VTI1A: variants seen among roughly 807,000 people sequenced by gnomAD.
VTI1A encodes the protein vesicle transport through interaction with t-SNAREs homolog 1A.
In VTI1A, 22 loss-of-function variants were observed where a neutral mutation model predicts 34.9. The observed-to-expected ratio is 0.63, with a 90% CI of 0.45 to 0.90. VTI1A has a LOEUF of 0.90. Ranked by LOEUF, VTI1A falls within the 40% of genes least tolerant of loss-of-function variation. VTI1A has a pLI of 0.00. For synonymous variants in VTI1A, 87 were observed against 97.3 expected (o/e 0.89, Z 0.62); for missense variants, 268 against 275.6 (o/e 0.97, Z 0.20).
intron 4 of VTI1A, among the ~76,000 whole-genome samples, chr10:112,532,471 A>G (rs945517241): frequency 2.0e-5 from 3 of 152,108 alleles, no homozygotes; most frequent in African/African-American, 7.2e-5. Context: ...CATTGCAGAA[A>G]CTGTGGTCGT....
chr10:112,833,637 A>G, the VTI1A span, among the ~76,000 whole-genome samples: 1 of 151,602 alleles, frequency 6.6e-6, no homozygotes, highest in Non-Finnish European at 1.5e-5. Flanking sequence ...CAGCTATCCC[A>G]CTCTTTGAGC....
At chr10:112,494,912 T>G (rs1848958588) in intron 3 of VTI1A, among the ~76,000 whole-genome samples, 1 of 152,204 alleles carries the variant, frequency 6.6e-6, no homozygotes, top group African/African-American at 2.4e-5. Flanking sequence ...ATTTTCTATA[T>G]TATTACCCAG....
intron 3 of VTI1A, among the ~76,000 whole-genome samples, chr10:112,504,955 G>A (rs141107073): frequency 4.1e-4 from 62 of 151,366 alleles, no homozygotes; most frequent in African/African-American, 1.5e-3. Context: ...GGGGTGTGTG[G>A]GGATTCGTTG....
At chr10:112,814,495 C>T (rs1853437780) in intron 7 of VTI1A, among the ~76,000 whole-genome samples, 1 of 152,144 alleles carries the variant, frequency 6.6e-6, no homozygotes, top group Non-Finnish European at 1.5e-5. Context: ...TATGAAACAA[C>T]CTCATCAGAA....
the VTI1A span, among the ~76,000 whole-genome samples, chr10:112,830,669 G>A: frequency 3.0e-4 from 45 of 150,328 alleles, no homozygotes; most frequent in East Asian, 7.1e-3. Flanking sequence ...CAGGGACCAG[G>A]AGAAATCACT....
At chr10:112,520,189 C>T (rs990160044) in intron 3 of VTI1A, among the ~76,000 whole-genome samples, 10 of 152,048 alleles carry the variant, frequency 6.6e-5, no homozygotes, top group African/African-American at 1.9e-4. Context: ...ATTTCCTCCA[C>T]TGCATACTTA....
chr10:112,621,519 C>A (rs549661275), intron 5 of VTI1A, among the ~76,000 whole-genome samples: 2 of 152,240 alleles, frequency 1.3e-5, no homozygotes, highest in South Asian at 4.1e-4. Context: ...CAAATGAGAA[C>A]TTAAGGTTAA....
intron 7 of VTI1A, among the ~76,000 whole-genome samples, chr10:112,775,759 T>C (rs1851939772): frequency 6.6e-6 from 1 of 152,100 alleles, no homozygotes; most frequent in African/African-American, 2.4e-5. Context: ...TAATTGAAAA[T>C]GTAATAAAGA....
chr10:112,545,168 AT>A, intron 5 of VTI1A, among the ~76,000 whole-genome samples: 1 of 152,368 alleles, frequency 6.6e-6, no homozygotes, highest in Middle Eastern at 3.4e-3. Context: ...CTTAAAAGGC[AT>A]TTTGGAACAA....
At position 112,659,481 on chromosome 10, in the gene VTI1A, T is replaced by G. The variant is rs117448865; in HGVS notation, c.428-8737T>G. ...CATCGTTACTGGTAGCACAGCTTCATTGACTGATGTCTGAGGGCTCTGGGA... is the reference window on the plus strand; with the variant it reads ...CATCGTTACTGGTAGCACAGCTTCAGTGACTGATGTCTGAGGGCTCTGGGA... On this transcript the variant is annotated intron_variant, in intron 5 of 7. Transcript: ENST00000393077. Among the ~76,000 whole-genome samples, 3 of 152,344 alleles carry G rather than the reference T, an allele frequency of 2.0e-5. No homozygotes were observed. The East Asian group carries it at 5.8e-4, about 29-fold the overall frequency.
chr10:112,540,273 T>C (rs1850816210), intron 5 of VTI1A, among the ~76,000 whole-genome samples: 1 of 152,218 alleles, frequency 6.6e-6, no homozygotes, highest in Non-Finnish European at 1.5e-5. Flanking sequence ...TGCTAAAACA[T>C]AACATCCACA....
chr10:112,715,791 C>A (rs1849588578), intron 7 of VTI1A, among the ~76,000 whole-genome samples: 2 of 152,196 alleles, frequency 1.3e-5, no homozygotes, highest in African/African-American at 4.8e-5. Context: ...AGGCCTTCAG[C>A]AGGTTATCCT....
In VTI1A at chr10:112,737,197, A is replaced by G. The variant is rs1018057279; in HGVS notation, c.560+68199A>G. The G allele has an allele frequency of 1.0e-5, 5 of 496,730 alleles. No individual in the cohort carries two copies. The East Asian group carries it at 2.7e-4, about 27-fold the overall frequency. 30.8% of individuals were successfully genotyped at this position (496,730 alleles called of 1,614,324 possible). A position where few individuals can be genotyped will look rare whatever the true frequency, so the allele number is the denominator to read the frequency against. ...GCGATTCTCTTGCCTCAGCCTCCCA[A>G]GTAGCTGGGACTACAGGCACACACC... On this transcript the variant is annotated intron_variant, in intron 7 of 7. Transcript: ENST00000393077.
chr10:112,761,814 A>G (rs1405635414), intron 7 of VTI1A, among the ~76,000 whole-genome samples: 2 of 148,130 alleles, frequency 1.4e-5, no homozygotes, highest in Non-Finnish European at 3.0e-5. Flanking sequence ...ATATGAATAT[A>G]TTAATATATG....
At chr10:112,779,273 T>C (rs1852043456) in intron 7 of VTI1A, among the ~76,000 whole-genome samples, 1 of 152,204 alleles carries the variant, frequency 6.6e-6, no homozygotes, top group African/African-American at 2.4e-5. Flanking sequence ...CAGCTGAAAA[T>C]AATAGCTTCA....
intron 5 of VTI1A, among the ~76,000 whole-genome samples, chr10:112,588,733 G>A (rs1844257673): frequency 6.6e-6 from 1 of 152,166 alleles, no homozygotes; most frequent in Non-Finnish European, 1.5e-5. Flanking sequence ...CCTCACATAG[G>A]CCATCATTGT....
At chr10:112,668,416 T>C in intron 6 of VTI1A, 128 bp downstream of exon 6, 1 of 1,007,642 alleles carries the variant, frequency 9.9e-7, no homozygotes, top group Non-Finnish European at 1.4e-6. Flanking sequence ...ATAAGGTCTG[T>C]GGAAAGGAAA....
intron 7 of VTI1A, among the ~76,000 whole-genome samples, chr10:112,676,270 C>T (rs772262181): frequency 1.3e-5 from 2 of 152,112 alleles, no homozygotes; most frequent in Non-Finnish European, 2.9e-5. Context: ...ATTCCCCCTT[C>T]CTTCTGGGAC....
chr10:112,511,738 AC>A (rs1849616056), intron 3 of VTI1A, among the ~76,000 whole-genome samples: 1 of 151,798 alleles, frequency 6.6e-6, no homozygotes, highest in Non-Finnish European at 1.5e-5. Flanking sequence ...ACTTTCCCAG[AC>A]CCTGTTACCT....
Sources: gnomAD v4.1 joint callset for allele counts (sites outside exome capture counted in the v4.1 genomes callset) on GRCh38, gnomAD v4.1.1 for gene constraint, MANE v1.5 for transcripts, NCBI Gene and HGNC (gene_info 2026-07-23, HGNC 2026-07-21) for gene names.